The following KIF6 variants were observed in gnomAD, a reference collection of about 807,000 sequenced individuals.
KIF6 encodes kinesin-like protein KIF6.
KIF6 carries 106 observed loss-of-function variants against 112.7 expected under a neutral mutation model. The ratio of observed to expected loss-of-function variants is 0.94; its 90% CI spans 0.80 to 1.11. The LOEUF (loss-of-function observed/expected upper bound fraction) is 1.11. Among genes scored for constraint, KIF6 ranks in the 50% least tolerant of loss-of-function variants. KIF6 has a pLI of 0.00. For missense variants in KIF6, 929 were observed against 964.0 expected, an observed-to-expected ratio of 0.96 and a Z score of 0.48; for synonymous variants, 339 against 339.9, an observed-to-expected ratio of 1.00 and a Z score of 0.03.
At chr6:39,450,093 G>A (rs57924933) in intron 13 of KIF6, among the ~76,000 whole-genome samples, 12,317 of 152,254 alleles carry the variant, frequency 0.081, 679 homozygotes, top group Middle Eastern at 0.15. Context: ...AAAATGCCAC[G>A]TATAAATGGC....
intron 10 of KIF6, among the ~76,000 whole-genome samples, chr6:39,575,919 AC>A (rs751931426): frequency 6.6e-6 from 1 of 152,118 alleles, no homozygotes. Context: ...AAGTCTCTAG[AC>A]CATCAAGAAG....
At chr6:39,564,296 C>T (rs980365130) in intron 10 of KIF6, among the ~76,000 whole-genome samples, 7 of 152,098 alleles carry the variant, frequency 4.6e-5, no homozygotes, top group African/African-American at 7.2e-5. Flanking sequence ...TGGCAAAAGT[C>T]GTAAGTATGC....
chr6:39,471,377 G>A (rs989285748), intron 13 of KIF6, among the ~76,000 whole-genome samples: 7 of 152,080 alleles, frequency 4.6e-5, no homozygotes, highest in Admixed American at 1.3e-4. Context: ...GTCTGGCCAC[G>A]AGATTGACCA....
intron 19 of KIF6, chr6:39,353,894 C>A (rs1764442718): frequency 3.6e-6 from 2 of 558,326 alleles, no homozygotes; most frequent in African/African-American, 3.9e-5. Context: ...GTTCCTACTG[C>A]TAAGTGGAGC....
chr6:39,592,115 A>C (rs190988355), intron 7 of KIF6, among the ~76,000 whole-genome samples: 54 of 151,928 alleles, frequency 3.6e-4, no homozygotes, highest in South Asian at 2.9e-3. Context: ...CCGTCTCAAA[A>C]AAACAAACAA....
At chr6:39,666,871 TTCTG>T (rs1391038339) in intron 3 of KIF6, among the ~76,000 whole-genome samples, 2 of 152,200 alleles carry the variant, frequency 1.3e-5, no homozygotes, top group African/African-American at 4.8e-5. Context: ...TGTAAATATA[TTCTG>T]TCTATCTGAG....
chr6:39,353,429 T>C (rs1764410342), intron 19 of KIF6, among the ~76,000 whole-genome samples: 2 of 152,228 alleles, frequency 1.3e-5, no homozygotes, highest in South Asian at 4.1e-4. Flanking sequence ...TGGTTTATTT[T>C]CTTATTGTTG....
chr6:39,357,249 T>G (rs1764772728), intron 19 of KIF6, 28 bp downstream of exon 19: 1 of 1,499,668 alleles, frequency 6.7e-7, no homozygotes, highest in African/African-American at 1.4e-5. Context: ...CTGGGAACTC[T>G]AACACCTCCG....
In KIF6 at chr6:39,330,228, C is replaced by T. The variant is rs1374019595; in HGVS notation, c.*6304G>A. The T allele has an allele frequency of 6.6e-6, 1 of 152,172 alleles. No homozygotes were observed. The highest frequency in any genetic ancestry group is 1.5e-5 in the Non-Finnish European group (1 of 68,068). The allele number at this position is 152,172 out of a possible 1,614,324, so 9.4% of individuals were successfully genotyped here. ...CTTCATAGGCATAAGTCCTAGAGCACCTTGGGACATCTGGTCAACCCTATG... is the reference window on the plus strand; with the variant it reads ...CTTCATAGGCATAAGTCCTAGAGCATCTTGGGACATCTGGTCAACCCTATG... On this transcript the variant is annotated 3_prime_UTR_variant, in exon 23 of 23. Coordinates refer to ENST00000287152, the MANE Select transcript of KIF6 (RefSeq NM_145027.6).
chr6:39,599,301 C>G (rs965254207), intron 6 of KIF6, among the ~76,000 whole-genome samples: 1 of 152,134 alleles, frequency 6.6e-6, no homozygotes, highest in Non-Finnish European at 1.5e-5. Context: ...GAGATTTAAA[C>G]AAAGAATTTC....
chr6:39,354,068 C>T (rs951134718), intron 19 of KIF6: 3 of 304,210 alleles, frequency 9.9e-6, no homozygotes, highest in African/African-American at 2.2e-5. Context: ...AGAACGGTCA[C>T]GTGGACATTT....
rs574157085 is a variant in KIF6 at position 39,565,053 on chromosome 6, G to A, written c.1181+13003C>T. On this transcript the variant is annotated intron_variant, in intron 10 of 22. Transcript: ENST00000287152. ...GTATCCATATTGTACTGAGAAGAGAGCTGAAAAATAAAAGCAAAGTGTCTA... is the reference window on the plus strand; with the variant it reads ...GTATCCATATTGTACTGAGAAGAGAACTGAAAAATAAAAGCAAAGTGTCTA... Among the ~76,000 whole-genome samples the A allele has an allele frequency of 2.0e-5, 3 of 152,324 alleles. No homozygotes were observed. In the South Asian group the frequency reaches 6.2e-4, roughly 32 times the overall value.
chr6:39,483,990 T>C (rs1365229217), intron 13 of KIF6, among the ~76,000 whole-genome samples: 1 of 152,196 alleles, frequency 6.6e-6, no homozygotes, highest in Admixed American at 6.5e-5. Flanking sequence ...GGAGAGGCTA[T>C]ATACACATGT....
intron 3 of KIF6, among the ~76,000 whole-genome samples, chr6:39,654,802 G>A (rs1028017018): frequency 6.6e-6 from 1 of 152,054 alleles, no homozygotes. Flanking sequence ...TGCGCAATTT[G>A]TTCACTCAAC....
chr6:39,553,280 A>G (rs767291534), intron 10 of KIF6, among the ~76,000 whole-genome samples: 1 of 152,202 alleles, frequency 6.6e-6, no homozygotes, highest in Non-Finnish European at 1.5e-5. Flanking sequence ...GGTGATGCAG[A>G]GGAAATTCCT....
At chr6:39,563,384 T>A (rs1582143016) in intron 10 of KIF6, among the ~76,000 whole-genome samples, 1 of 152,374 alleles carries the variant, frequency 6.6e-6, no homozygotes, top group East Asian at 1.9e-4. Flanking sequence ...ACATAGCATA[T>A]ACATACATGT....
At chr6:39,385,553 T>G (rs1294474034) in intron 16 of KIF6, 69 bp downstream of exon 16, 3 of 1,305,844 alleles carry the variant, frequency 2.3e-6, no homozygotes, top group South Asian at 2.4e-5. Flanking sequence ...TTAGCTGGGT[T>G]TGGATTCCTA....
chr6:39,404,836 G>T (rs1590760), intron 15 of KIF6, among the ~76,000 whole-genome samples: 6,279 of 151,238 alleles, frequency 0.042, 195 homozygotes, highest in Non-Finnish European at 0.051. Flanking sequence ...TGTCTTTTTT[G>T]ATTTTTTTTA....
At chr6:39,355,068 C>T (rs1318229101) in intron 19 of KIF6, among the ~76,000 whole-genome samples, 1 of 152,096 alleles carries the variant, frequency 6.6e-6, no homozygotes, top group Non-Finnish European at 1.5e-5. Context: ...TGCCTGTAAT[C>T]CCAACTACTC....
Sources: gnomAD v4.1 joint callset for allele counts (sites outside exome capture counted in the v4.1 genomes callset) on GRCh38, gnomAD v4.1.1 for gene constraint, MANE v1.5 for transcripts, NCBI Gene and HGNC (gene_info 2026-07-23, HGNC 2026-07-21) for gene names.